TMTC4: variants seen among roughly 807,000 people sequenced by gnomAD.
The protein encoded by TMTC4 is transmembrane O-mannosyltransferase targeting cadherins 4.
A neutral mutation model predicts 86.0 loss-of-function variants in TMTC4; 65 were observed. The observed-to-expected ratio is 0.76, with a 90% CI of 0.62 to 0.93. The LOEUF is 0.93. Among genes scored for constraint, TMTC4 ranks in the 40% least tolerant of loss-of-function variants. The pLI is 0.00. For synonymous variants in TMTC4, 379 were observed against 382.5 expected (o/e 0.99, Z 0.11); for missense variants, 866 against 948.1 (o/e 0.91, Z 1.14).
At chr13:100,632,049 ACACACTCTCT>A (rs1332031520) in intron 12 of TMTC4, among the ~76,000 whole-genome samples, 128 of 77,326 alleles carry the variant, frequency 1.7e-3, no homozygotes, top group East Asian at 2.2e-3. Context: ...ACACACACAC[ACACACTCTCT>A]CTCTCTCTCT....
At chr13:100,642,540 G>A (rs1883157608) in intron 6 of TMTC4, among the ~76,000 whole-genome samples, 1 of 152,090 alleles carries the variant, frequency 6.6e-6, no homozygotes, top group African/African-American at 2.4e-5. Context: ...GGGCCTTTGG[G>A]AGGCACTGTC....
rs756667046 is a variant in TMTC4, at chr13:100,637,595, C to T, written c.942G>A (p.Pro314=). The T allele has an allele frequency of 6.7e-5, 108 of 1,614,050 alleles. No individual in the cohort carries two copies. The highest frequency in any genetic ancestry group is 5.1e-4 in the East Asian group (23 of 44,888). ...GGTTGTCCACCTCGGTGAAGGCCGG[C>T]GGGCCCGTGCCCATGATCCTCCAGC... ...YVRWRIMGTG[P]PAFTEVDNPA... Residue 314 remains proline (P), a synonymous_variant, in exon 9 of 19, where the codon CCG becomes CCA. Transcript: ENST00000342624.
At chr13:100,611,108 GAA>G (rs1566558064) in intron 17 of TMTC4, among the ~76,000 whole-genome samples, 1 of 152,182 alleles carries the variant, frequency 6.6e-6, no homozygotes, top group African/African-American at 2.4e-5. Flanking sequence ...GTAATAAACA[GAA>G]AAAGAGAAGT....
intron 12 of TMTC4, among the ~76,000 whole-genome samples, chr13:100,627,493 A>G (rs1365710076): frequency 6.6e-6 from 1 of 151,940 alleles, no homozygotes; most frequent in Non-Finnish European, 1.5e-5. Flanking sequence ...GCTTGCCCAT[A>G]ATTTCCGGCT....
At chr13:100,632,049 ACACACTCTCTCT>A (rs1383718143) in intron 12 of TMTC4, among the ~76,000 whole-genome samples, 1,054 of 77,144 alleles carry the variant, frequency 0.014, 4 homozygotes, top group South Asian at 0.02. Flanking sequence ...ACACACACAC[ACACACTCTCTCT>A]CTCTCTCTCT....
At chr13:100,675,035 T>G (rs1273489031), upstream of TMTC4, 3 of 985,442 alleles carry the variant, frequency 3.0e-6, no homozygotes, top group Admixed American at 1.2e-4. Flanking sequence ...GGGGCGCTAG[T>G]CGGCGGCGAA....
chr13:100,649,973 T>C (rs540710213), intron 6 of TMTC4, among the ~76,000 whole-genome samples: 83 of 152,196 alleles, frequency 5.5e-4, no homozygotes, highest in Non-Finnish European at 1.1e-3. Flanking sequence ...TTCTAACTTG[T>C]GCATGGCTCT....
intron 12 of TMTC4, among the ~76,000 whole-genome samples, chr13:100,633,132 T>C (rs1881672812): frequency 6.6e-6 from 1 of 151,890 alleles, no homozygotes; most frequent in South Asian, 2.1e-4. Flanking sequence ...GCTAACATAG[T>C]GAAACCCCGT....
chr13:100,632,997 C>T lies in TMTC4; in HGVS notation c.1506+1808G>A, dbSNP rs74118114. On this transcript the variant is annotated intron_variant, in intron 12 of 18. Transcript: ENST00000342624. ...TTCTCTTCCCAACATAATGCAAAAC[C>T]CAAACTGAAATGAACCTACAAAAGC... Among the ~76,000 whole-genome samples the T allele has an allele frequency of 8.4e-3, 1,284 of 152,158 alleles. 17 individuals are homozygous for T. The highest frequency in any genetic ancestry group is 0.029 in the African/African-American group (1,193 of 41,510).
At chr13:100,653,181 CAA>C (rs1255168586) in intron 6 of TMTC4, among the ~76,000 whole-genome samples, 1 of 152,092 alleles carries the variant, frequency 6.6e-6, no homozygotes, top group Non-Finnish European at 1.5e-5. Flanking sequence ...AGGATTATTC[CAA>C]AGAGTTGTAA....
intron 15 of TMTC4, among the ~76,000 whole-genome samples, chr13:100,618,565 T>C (rs966804309): frequency 1.3e-5 from 2 of 151,030 alleles, no homozygotes; most frequent in African/African-American, 4.9e-5. Context: ...CATAGGACAA[T>C]AGTGGAGGGA....
At chr13:100,616,463 AG>A (rs1878523298) in intron 15 of TMTC4, among the ~76,000 whole-genome samples, 1 of 152,158 alleles carries the variant, frequency 6.6e-6, no homozygotes, top group Non-Finnish European at 1.5e-5. Flanking sequence ...GGACTTCCAA[AG>A]TGCTGGGTTT....
chr13:100,653,616 C>T (rs1283229), intron 6 of TMTC4, among the ~76,000 whole-genome samples: 108,514 of 152,042 alleles, frequency 0.71, 39,787 homozygotes, highest in East Asian at 0.99. Context: ...CGTGGCTCTG[C>T]GCCTCCAGGC....
At chr13:100,628,702 C>A (rs1880904795) in intron 12 of TMTC4, among the ~76,000 whole-genome samples, 1 of 152,168 alleles carries the variant, frequency 6.6e-6, no homozygotes, top group African/African-American at 2.4e-5. Context: ...ACTAGGAATT[C>A]TCAGGTCACC....
At chr13:100,674,980 T>A (rs1025238017), upstream of TMTC4, 8 of 985,554 alleles carry the variant, frequency 8.1e-6, no homozygotes, top group Non-Finnish European at 9.6e-6. Context: ...CACAGCCAAG[T>A]CCCTCCTCAG....
chr13:100,640,810 CAAA>C (rs55847448), intron 7 of TMTC4, among the ~76,000 whole-genome samples: 4 of 90,184 alleles, frequency 4.4e-5, no homozygotes, highest in Non-Finnish European at 6.9e-5. Flanking sequence ...GGCTCTGTCT[CAAA>C]AAAAAAAAAA....
intron 6 of TMTC4, among the ~76,000 whole-genome samples, chr13:100,646,226 C>G (rs1883723839): frequency 6.6e-6 from 1 of 152,216 alleles, no homozygotes; most frequent in Non-Finnish European, 1.5e-5. Context: ...GGCTGGACGG[C>G]TGGCACCATG....
At chr13:100,618,533 G>A (rs577242790) in intron 15 of TMTC4, among the ~76,000 whole-genome samples, 54 of 144,508 alleles carry the variant, frequency 3.7e-4, no homozygotes, top group Non-Finnish European at 6.4e-4. Flanking sequence ...GGTGTTTCTC[G>A]CAGAGGGGGA....
chr13:100,625,923 T>G, intron 13 of TMTC4, 31 bp from the exon 14 acceptor site: 1 of 1,606,118 alleles, frequency 6.2e-7, no homozygotes, highest in Non-Finnish European at 8.5e-7. Context: ...AAGCTGACCA[T>G]TAAATGCTCA....
Sources: allele counts gnomAD v4.1 joint callset (sites outside exome capture counted in the v4.1 genomes callset), GRCh38; gene constraint gnomAD v4.1.1; transcripts MANE v1.5; gene names NCBI Gene and HGNC (gene_info 2026-07-23, HGNC 2026-07-21).